The following PARP1 variants were observed in gnomAD, a reference collection of about 807,000 sequenced individuals.
PARP1 encodes poly(ADP-ribose) polymerase 1, also known as poly [ADP-ribose] polymerase 1.
A neutral mutation model predicts 118.7 loss-of-function variants in PARP1; 44 were observed. That is an observed-to-expected ratio of 0.37 (90% CI 0.29 to 0.48). The LOEUF is 0.48. Ranked by LOEUF, PARP1 falls within the 20% of genes least tolerant of loss-of-function variation. The pLI is 0.99. For missense variants in PARP1, 1,100 were observed against 1,272.4 expected (o/e 0.86, Z 2.06); for synonymous variants, 492 against 483.2 (o/e 1.02, Z -0.24).
At chr1:226,365,395 T>G (rs546439262) in intron 18 of PARP1, among the ~76,000 whole-genome samples, 1 of 152,334 alleles carries the variant, frequency 6.6e-6, no homozygotes, top group South Asian at 2.1e-4. Context: ...CTTGAGGAAC[T>G]TTATCTTGGA....
At position 226,390,577 on chromosome 1, in the gene PARP1, C is replaced by T; in HGVS notation, c.450G>A (p.Gln150=). Residue 150 remains glutamine (Q), a synonymous_variant, in exon 4 of 23, where the codon CAG becomes CAA. Transcript: ENST00000366794. The part of the protein sequence containing the change: ...SKKMVDPEKP[Q]LGMIDRWYHP... ...GGTACCAGCGGTCAATCATGCCTAG[C>T]TGTGGCTTCTCCGGGTCCACCATCT... 1 of 1,614,218 alleles carries T rather than the reference C, an allele frequency of 6.2e-7. No individual in the cohort carries two copies. Among genetic ancestry groups the T allele is most frequent in the Non-Finnish European group, 8.5e-7 (1 of 1,180,038 alleles).
Position 226,377,306 on chromosome 1 carries a change from G to A in PARP1, c.1746-3C>T, listed in dbSNP as rs2102733870. 1 of 1,612,040 alleles carries A rather than the reference G, an allele frequency of 6.2e-7. No homozygotes were observed. The highest frequency in any genetic ancestry group is 1.1e-5 in the South Asian group (1 of 91,028). On this transcript the variant is annotated splice_polypyrimidine_tract_variant and splice_region_variant and intron_variant, in intron 12 of 22. Coordinates refer to ENST00000366794, the MANE Select transcript of PARP1 (RefSeq NM_001618.4). ...CCCAGGACCTGAATATCCAATACCT[G>A]CAGTGGGAAGGAGGGTGTCAGATAC...
intron 10 of PARP1, 28 bp from the exon 11 acceptor site, chr1:226,379,669 A>T (rs754350478): frequency 6.5e-7 from 1 of 1,542,378 alleles, no homozygotes; most frequent in Non-Finnish European, 8.9e-7. Flanking sequence ...AAATGTAAAC[A>T]TGAAGTTAAA....
chr1:226,371,948 C>T (rs1664391718), intron 14 of PARP1, among the ~76,000 whole-genome samples: 1 of 152,222 alleles, frequency 6.6e-6, no homozygotes, highest in East Asian at 1.9e-4. Context: ...CGCTGGACAG[C>T]GGGCTGGGAG....
chr1:226,402,461 C>G, intron 1 of PARP1, 82 bp from the exon 2 acceptor site: 3 of 1,343,576 alleles, frequency 2.2e-6, no homozygotes, highest in Non-Finnish European at 3.1e-6. Context: ...TTGACCTCGA[C>G]CCCAGTCCCA....
At chr1:226,371,830 A>C (rs780118287) in intron 14 of PARP1, among the ~76,000 whole-genome samples, 60 of 151,452 alleles carry the variant, frequency 4.0e-4, no homozygotes, top group Non-Finnish European at 6.9e-4. Context: ...GAAAATACCT[A>C]GTTTCCCTAA....
At position 226,362,057 on chromosome 1, in the gene PARP1, A is replaced by C. The variant is rs756032381; in HGVS notation, c.2875T>G (p.Ser959Ala). The C allele has an allele frequency of 2.5e-6, 4 of 1,613,684 alleles. No individual in the cohort carries two copies. Among genetic ancestry groups the C allele is most frequent in the Non-Finnish European group, 3.4e-6 (4 of 1,179,566 alleles). The change falls in exon 22 of 23, where the codon TCA becomes GCA. Residue 959 changes from serine to alanine, a missense_variant. By Grantham distance (99) the Ser-to-Ala change is moderately conservative (BLOSUM62 1). This residue lies in a region of PARP1 where 152 missense variants were observed against 240.6 expected (regional missense o/e 0.63). Transcript: ENST00000366794. ...ACACCATCCAGACTAATGTTAGCTG[A>C]AGGATCAGGGGTAGTTTTGCCCAAA... ...KGLGKTTPDPSANISLDGVDV... is the reference protein window; with the variant it reads ...KGLGKTTPDPAANISLDGVDV...
At position 226,379,554 on chromosome 1, in the gene PARP1, G is replaced by A; in HGVS notation, c.1612+19C>T. The A allele has an allele frequency of 6.2e-7, 1 of 1,602,888 alleles. No homozygotes were observed. Among genetic ancestry groups the A allele is most frequent in the South Asian group, 1.1e-5 (1 of 90,610 alleles). On this transcript the variant is annotated intron_variant, in intron 11 of 22. Transcript: ENST00000366794. ...GGGGGGCGGCACAGCCCACTTTGCTGGCAGTCCTGTTTGCTTACCAGAATC... is the reference window on the plus strand; with the variant it reads ...GGGGGGCGGCACAGCCCACTTTGCTAGCAGTCCTGTTTGCTTACCAGAATC...
chr1:226,399,160 G>A (rs1217724687), intron 2 of PARP1, among the ~76,000 whole-genome samples: 9 of 140,630 alleles, frequency 6.4e-5, no homozygotes, highest in African/African-American at 2.2e-4. Flanking sequence ...TGCAACCTCC[G>A]CCTCCCAGTA....
At chr1:226,377,017 G>C (rs1664505498) in intron 13 of PARP1, 91 bp downstream of exon 13, 2 of 1,119,696 alleles carry the variant, frequency 1.8e-6, no homozygotes, top group African/African-American at 3.1e-5. Flanking sequence ...TGTTTACTAT[G>C]ATGCCACCTG....
At chr1:226,391,174 T>A (rs1664813828) in intron 3 of PARP1, among the ~76,000 whole-genome samples, 1 of 151,970 alleles carries the variant, frequency 6.6e-6, no homozygotes, top group African/African-American at 2.4e-5. Context: ...TTGCCCGGGC[T>A]GGTCCAGAAC....
At position 226,372,571 on chromosome 1, in the gene PARP1, A is replaced by G. The variant is rs189580586; in HGVS notation, c.2070+1655T>C. Among the ~76,000 whole-genome samples the G allele has an allele frequency of 3.3e-3, 508 of 152,282 alleles. 4 individuals carry two copies. The highest frequency in any genetic ancestry group is 0.031 in the Middle Eastern group (9 of 294). ...ACGCCTGTAGTCCCAGCTACTCGGG[A>G]GGCTGAGGCAGGAGAATCGCTTGAA... On this transcript the variant is annotated intron_variant, in intron 14 of 22. Coordinates refer to ENST00000366794, the MANE Select transcript of PARP1 (RefSeq NM_001618.4).
At position 226,388,627 on chromosome 1, in the gene PARP1, C is replaced by T. The variant is rs768990497; in HGVS notation, c.717+29G>A. On this transcript the variant is annotated intron_variant, in intron 5 of 22. Coordinates refer to ENST00000366794, the MANE Select transcript of PARP1 (RefSeq NM_001618.4). ...AAAGAGAATCCAGACAGCAGAATGT[C>T]GAAAGGAGACACAGAGCTGAGAACT... 3.5e-6 allele frequency: 5 copies of T among 1,415,206 alleles called. No homozygotes were observed. The South Asian group carries it at 5.7e-5, about 16-fold the overall frequency. 87.7% of individuals were successfully genotyped at this position (1,415,206 alleles called of 1,614,324 possible).
chr1:226,368,134 A>T (rs1323675788), intron 16 of PARP1, 65 bp downstream of exon 16: 30 of 1,604,326 alleles, frequency 1.9e-5, no homozygotes, highest in Non-Finnish European at 2.4e-5. Context: ...ATGGGGAGGG[A>T]CGGCTGCAAG....
intron 8 of PARP1, 21 bp downstream of exon 8, chr1:226,383,015 C>T (rs945142831): frequency 5.6e-6 from 9 of 1,612,080 alleles, no homozygotes; most frequent in Admixed American, 1.7e-5. Flanking sequence ...AGCTCTAAGA[C>T]CGGGGTCCCA....
intron 2 of PARP1, among the ~76,000 whole-genome samples, chr1:226,394,628 A>T (rs1244076437): frequency 6.6e-6 from 1 of 152,216 alleles, no homozygotes; most frequent in Non-Finnish European, 1.5e-5. Flanking sequence ...TCAAAGAAAG[A>T]CAGGGCTGGG....
chr1:226,389,937 C>T (rs1198216342), intron 4 of PARP1, among the ~76,000 whole-genome samples: 2 of 152,168 alleles, frequency 1.3e-5, no homozygotes, highest in Non-Finnish European at 2.9e-5. Context: ...AATTTTAACA[C>T]CATGCAAAAC....
intron 2 of PARP1, chr1:226,392,977 G>A: frequency 6.4e-7 from 1 of 1,556,034 alleles, no homozygotes; most frequent in East Asian, 2.4e-5. Context: ...TGGTATTGGA[G>A]GTTCTAGTAA....
intron 2 of PARP1, 54 bp downstream of exon 2, chr1:226,402,160 C>T (rs1665048847): frequency 6.2e-7 from 1 of 1,614,094 alleles, no homozygotes. Flanking sequence ...CGAGGCCCTC[C>T]TGGGAGCTTC....
Sources: allele counts gnomAD v4.1 joint callset (sites outside exome capture counted in the v4.1 genomes callset), GRCh38; gene constraint gnomAD v4.1.1; regional missense constraint gnomAD v4.1.1; transcripts MANE v1.5; gene names NCBI Gene and HGNC (gene_info 2026-07-23, HGNC 2026-07-21).